Variants in ZNF804B observed in about 807,000 individuals in gnomAD.
The protein encoded by ZNF804B is zinc finger protein 804B, also known as zinc finger 804B.
In ZNF804B, 80 loss-of-function variants were observed where a neutral mutation model predicts 101.4. That is an observed-to-expected ratio of 0.79 (90% CI 0.66 to 0.95). The LOEUF is 0.95. ZNF804B is among the 40% of genes least tolerant of loss of function. ZNF804B has a pLI of 0.00. For synonymous variants in ZNF804B, 622 were observed against 558.8 expected (o/e 1.11, Z -1.59); for missense variants, 1,673 against 1,561.9 (o/e 1.07, Z -1.20).
intron 1 of ZNF804B, among the ~76,000 whole-genome samples, chr7:88,896,527 TTTTTA>T (rs1315365145): frequency 2.0e-5 from 3 of 152,158 alleles, no homozygotes; most frequent in Non-Finnish European, 4.4e-5. Flanking sequence ...GATGTTTACA[TTTTTA>T]TTTTTTATTT....
chr7:88,945,439 A>G (rs568561197), intron 1 of ZNF804B, among the ~76,000 whole-genome samples: 1 of 151,826 alleles, frequency 6.6e-6, no homozygotes, highest in African/African-American at 2.4e-5. Flanking sequence ...TTCTTTTTCC[A>G]TTGGTCTATA....
intron 1 of ZNF804B, among the ~76,000 whole-genome samples, chr7:88,846,311 C>CTGAG (rs1791372684): frequency 6.6e-6 from 1 of 151,998 alleles, no homozygotes; most frequent in Non-Finnish European, 1.5e-5. Flanking sequence ...TAGAAAAAAA[C>CTGAG]TATGTGCCAA....
intron 1 of ZNF804B, among the ~76,000 whole-genome samples, chr7:89,172,633 A>G (rs1056545782): frequency 3.9e-5 from 6 of 152,150 alleles, no homozygotes; most frequent in African/African-American, 1.4e-4. Flanking sequence ...TTCTTAATAT[A>G]CCCTTGTAGA....
chr7:88,935,209 T>C (rs146753334), intron 1 of ZNF804B, among the ~76,000 whole-genome samples: 288 of 151,922 alleles, frequency 1.9e-3, no homozygotes, highest in African/African-American at 6.6e-3. Context: ...TTCTCACTTA[T>C]AAGTGAGAGC....
At chr7:89,171,354 TC>T (rs1791228927) in intron 1 of ZNF804B, among the ~76,000 whole-genome samples, 2 of 117,176 alleles carry the variant, frequency 1.7e-5, no homozygotes, top group African/African-American at 6.4e-5. Flanking sequence ...TTCTTCTTCT[TC>T]TTCCTCCTCT....
chr7:89,206,754 AAAAAC>A (rs931013528), intron 1 of ZNF804B, among the ~76,000 whole-genome samples: 4 of 152,186 alleles, frequency 2.6e-5, no homozygotes, highest in African/African-American at 9.7e-5. Context: ...CTCCATCTCA[AAAAAC>A]AAAACAAAAA....
intron 2 of ZNF804B, among the ~76,000 whole-genome samples, chr7:89,252,363 T>C (rs965377829): frequency 6.6e-6 from 1 of 151,982 alleles, no homozygotes; most frequent in South Asian, 2.1e-4. Context: ...TTATTAAAAG[T>C]AAAAAGCAAA....
At chr7:89,227,847 C>A (rs2115729443) in intron 2 of ZNF804B, among the ~76,000 whole-genome samples, 1 of 152,292 alleles carries the variant, frequency 6.6e-6, no homozygotes, top group African/African-American at 2.4e-5. Context: ...TTGTGCAGGG[C>A]ATTCCATGAG....
intron 1 of ZNF804B, among the ~76,000 whole-genome samples, chr7:89,145,404 A>G (rs1227334685): frequency 6.6e-6 from 1 of 151,996 alleles, no homozygotes; most frequent in African/African-American, 2.4e-5. Context: ...CTATCTTAAA[A>G]TAGAGATATT....
chr7:89,087,947 G>A (rs1473066915), intron 1 of ZNF804B, among the ~76,000 whole-genome samples: 1 of 150,518 alleles, frequency 6.6e-6, no homozygotes, highest in African/African-American at 2.4e-5. Context: ...TCATGGTAGT[G>A]TTATGTGCTT....
At chr7:88,977,193 C>CT (rs138384329) in intron 1 of ZNF804B, among the ~76,000 whole-genome samples, 73 of 145,834 alleles carry the variant, frequency 5.0e-4, no homozygotes, top group African/African-American at 1.1e-3. Context: ...CCCATAAATT[C>CT]TTTTTTTTTT....
At chr7:89,115,782 T>C (rs1410281841) in intron 1 of ZNF804B, among the ~76,000 whole-genome samples, 1 of 152,228 alleles carries the variant, frequency 6.6e-6, no homozygotes, top group Admixed American at 6.5e-5. Flanking sequence ...TTGTAGTTTT[T>C]AGCCTATTGC....
At chr7:89,020,901 T>A (rs1788656283) in intron 1 of ZNF804B, among the ~76,000 whole-genome samples, 1 of 152,236 alleles carries the variant, frequency 6.6e-6, no homozygotes, top group Non-Finnish European at 1.5e-5. Flanking sequence ...CTATATTATA[T>A]CGCACTGAAT....
intron 1 of ZNF804B, among the ~76,000 whole-genome samples, chr7:88,850,309 A>C (rs185691324): frequency 6.6e-6 from 1 of 152,220 alleles, no homozygotes; most frequent in East Asian, 1.9e-4. Context: ...TAAGGAGATA[A>C]AACTGGTCAT....
chr7:89,134,978 G>T (rs922488848), intron 1 of ZNF804B, among the ~76,000 whole-genome samples: 1 of 151,984 alleles, frequency 6.6e-6, no homozygotes, highest in Admixed American at 6.6e-5. Context: ...TATTTCAGTG[G>T]TGGAAAAAGA....
At chr7:89,046,713 A>G (rs944618061) in intron 1 of ZNF804B, among the ~76,000 whole-genome samples, 2 of 152,144 alleles carry the variant, frequency 1.3e-5, no homozygotes, top group Non-Finnish European at 2.9e-5. Context: ...AATTCAAAAA[A>G]AGGAAGCGGA....
At chr7:89,171,361 C>CTT (rs1562904594) in intron 1 of ZNF804B, among the ~76,000 whole-genome samples, 116 of 119,918 alleles carry the variant, frequency 9.7e-4, no homozygotes, top group Middle Eastern at 3.8e-3. Flanking sequence ...TCTTCTTCCT[C>CTT]CTCTTCCTCT....
At chr7:89,033,984 T>A (rs890952103) in intron 1 of ZNF804B, among the ~76,000 whole-genome samples, 1 of 152,074 alleles carries the variant, frequency 6.6e-6, no homozygotes, top group Non-Finnish European at 1.5e-5. Context: ...ATTGTTCCTT[T>A]TTAAACACGA....
chr7:88,857,346 C>T (rs765831597), intron 1 of ZNF804B, among the ~76,000 whole-genome samples: 2 of 151,762 alleles, frequency 1.3e-5, no homozygotes, highest in Admixed American at 6.6e-5. Flanking sequence ...AAAAGCTCAA[C>T]GAAATTGATA....
Sources: allele counts gnomAD v4.1 joint callset (sites outside exome capture counted in the v4.1 genomes callset), GRCh38; gene constraint gnomAD v4.1.1; transcripts MANE v1.5; gene names NCBI Gene and HGNC (gene_info 2026-07-23, HGNC 2026-07-21).